ZNF518B: variants seen among roughly 807,000 people sequenced by gnomAD.
ZNF518B encodes the protein zinc finger protein 518B.
In ZNF518B, 23 loss-of-function variants were observed where a neutral mutation model predicts 56.3. The observed-to-expected ratio is 0.41, with a 90% confidence interval of 0.29 to 0.58. The LOEUF (loss-of-function observed/expected upper bound fraction) is 0.58, where lower values mean the gene tolerates loss of function less well. ZNF518B is among the 20% of genes least tolerant of loss of function. The pLI, the probability that ZNF518B is intolerant of heterozygous loss-of-function variation, is 0.32. For missense variants in ZNF518B, 1,460 were observed against 1,272.1 expected, an observed-to-expected ratio of 1.15 and a Z score of -2.25; for synonymous variants, 529 against 465.9, an observed-to-expected ratio of 1.14 and a Z score of -1.74.
chr4:10,443,280 GAACTTT>G lies in ZNF518B; in HGVS notation c.3043_3048del (p.Lys1015_Val1016del). 6.2e-7 allele frequency: 1 copy of G among 1,614,102 alleles called. No individual in the cohort carries two copies. The highest frequency in any genetic ancestry group is 1.3e-5 in the African/African-American group (1 of 75,026). Reference sequence around the variant, plus strand: ...TCCACTACCTGGTAGTTGTTTTTATGAACTTTTTTGAGTTTCATTTTCAACATCATT... The same window carrying G: ...TCCACTACCTGGTAGTTGTTTTTATGTTTGAGTTTCATTTTCAACATCATT... On this transcript the variant is annotated inframe_deletion, in exon 3 of 3. Transcript: ENST00000326756.
rs57437337 is a variant in ZNF518B, at chr4:10,445,536, G to A, written c.793C>T (p.Leu265Phe). Residue 265 changes from leucine to phenylalanine, a missense_variant, in exon 3 of 3, where the codon CTC becomes TTC. Physicochemically the swap from Leu to Phe is conservative, Grantham distance 22. Coordinates refer to ENST00000326756, the MANE Select transcript of ZNF518B (RefSeq NM_053042.3). ...TGCATTTTGTCTTTATTTGCATGGA[G>A]AGAGAAACCTGACAGTTGGTCTGAC... is the stretch of plus-strand genomic sequence containing the variant. Reference protein sequence around the residue: ...KWSDQLSGFSLHANKDKMHNI... With the variant: ...KWSDQLSGFSFHANKDKMHNI... 10 of 1,614,072 alleles carry A rather than the reference G, an allele frequency of 6.2e-6. No individual in the cohort carries two copies. The highest frequency in any genetic ancestry group is 1.7e-5 in the Admixed American group (1 of 60,006).
chr4:10,453,214 G>C lies in ZNF518B; in HGVS notation c.-212+1591C>G, dbSNP rs139036143. 5.3e-5 allele frequency: 8 copies of C among 152,380 alleles called. No individual in the cohort carries two copies. In the East Asian group the frequency reaches 1.5e-3, roughly 29 times the overall value. 9.4% of individuals were successfully genotyped at this position (152,380 alleles called of 1,614,324 possible). A position where few individuals can be genotyped will look rare whatever the true frequency, so the allele number is the denominator to read the frequency against. On this transcript the variant is annotated intron_variant, in intron 2 of 2. Coordinates refer to ENST00000326756, the MANE Select transcript of ZNF518B (RefSeq NM_053042.3). ...GGGAGGTAACTTTATGCTTGGCAAA[G>C]AGTAGATGTTTCGTTAAGAAATCAG...
rs1047023820 is a variant in ZNF518B at position 10,444,672 on chromosome 4, A to G, written c.1657T>C (p.Leu553=). 1 of 1,614,222 alleles carries G rather than the reference A, an allele frequency of 6.2e-7. No individual in the cohort carries two copies. ...ATATTGACTTTACTTGTAGATTCCA[A>G]GTCATTTTCACTTACAGGCAATAAG... ...KGLLPVSEND[L]ESTSKVNIPV... The change falls in exon 3 of 3, where the codon TTG becomes CTG. Residue 553 remains leucine (L), a synonymous_variant. Coordinates refer to ENST00000326756, the MANE Select transcript of ZNF518B (RefSeq NM_053042.3).
In ZNF518B at chr4:10,444,430, G is replaced by T. The variant is rs768965157; in HGVS notation, c.1899C>A (p.Ile633=). ...CAGAGCTCAGAGAAAATACTGATGA[G>T]ATGACTGGGCCATCATTAGTGTTGT... ...RTNNTNDGPV[I]SSVFSLSSGS... The change falls in exon 3 of 3, where the codon ATC becomes ATA. Residue 633 remains isoleucine, a synonymous_variant. Coordinates refer to ENST00000326756, the MANE Select transcript of ZNF518B (RefSeq NM_053042.3). The T allele has an allele frequency of 1.2e-6, 2 of 1,614,200 alleles. No homozygotes were observed. The highest frequency in any genetic ancestry group is 4.5e-5 in the East Asian group (2 of 44,880).
At chr4:10,450,116 CAG>C (rs1179251906) in intron 2 of ZNF518B, among the ~76,000 whole-genome samples, 3 of 152,206 alleles carry the variant, frequency 2.0e-5, no homozygotes, top group Non-Finnish European at 2.9e-5. Flanking sequence ...ATGAGGAAGG[CAG>C]AGTCTTGGAG....
chr4:10,444,309 CAATT>C lies in ZNF518B; in HGVS notation c.2016_2019del (p.Ile673SerfsTer19). On this transcript the variant is annotated frameshift_variant, in exon 3 of 3. Coordinates refer to ENST00000326756, the MANE Select transcript of ZNF518B (RefSeq NM_053042.3). LOFTEE classifies it high-confidence loss of function. ...AAAGATGACGGCTTCCCACAGGACT[CAATT>C]AACTGAGCTATCTTTCTGCGCAACA... is the stretch of plus-strand genomic sequence containing the variant. 1 of 1,614,196 alleles carries C rather than the reference CAATT, an allele frequency of 6.2e-7. No individual in the cohort carries two copies.
At position 10,450,714 on chromosome 4, in the gene ZNF518B, A is replaced by G. The variant is rs913671779; in HGVS notation, c.-212+4091T>C. ...AAAGACACCGGAGACAAAGCTGTGC[A>G]TGGGTATGCTGGCACTGAAAGGGTA... On this transcript the variant is annotated intron_variant, in intron 2 of 2. Transcript: ENST00000326756. 2.0e-5 allele frequency among the ~76,000 whole-genome samples: 3 copies of G among 152,290 alleles called. 1 individual carries two copies.
upstream of ZNF518B, among the ~76,000 whole-genome samples, chr4:10,459,983 G>A (rs1191913075): frequency 6.6e-6 from 1 of 152,066 alleles, no homozygotes; most frequent in Non-Finnish European, 1.5e-5. Context: ...GGGAGCCAAC[G>A]TTCATTCATT....
chr4:10,460,655 A>C (rs1028123686), upstream of ZNF518B, among the ~76,000 whole-genome samples: 3 of 152,202 alleles, frequency 2.0e-5, no homozygotes, highest in Admixed American at 6.5e-5. Context: ...CCCTTCATCA[A>C]ATTCTGCCAG....
chr4:10,459,693 GAGA>G (rs1039765683), upstream of ZNF518B, among the ~76,000 whole-genome samples: 8 of 152,146 alleles, frequency 5.3e-5, no homozygotes, highest in Admixed American at 2.0e-4. Context: ...GACACACAGG[GAGA>G]AGAAGCCATG....
chr4:10,443,553 T>C lies in ZNF518B; in HGVS notation c.2776A>G (p.Ile926Val), dbSNP rs753337437. ...IFQVARQLRL[I>V]AAKPDQLIKC... ...ATCAACTGATCTGGCTTAGCTGCTA[T>C]CAGTCTTAGTTGCCTTGCAACCTGA... The change falls in exon 3 of 3, where the codon ATA (isoleucine) becomes GTA (valine). Residue 926 changes from isoleucine to valine, a missense_variant. Transcript: ENST00000326756. The C allele has an allele frequency of 6.2e-7, 1 of 1,614,194 alleles. No individual in the cohort carries two copies. The highest frequency in any genetic ancestry group is 1.1e-5 in the South Asian group (1 of 91,084).
rs1577220858 is a variant in ZNF518B at position 10,444,502 on chromosome 4, T to C, written c.1827A>G (p.Gln609=). 1 of 1,614,208 alleles carries C rather than the reference T, an allele frequency of 6.2e-7. No homozygotes were observed. Among genetic ancestry groups the C allele is most frequent in the Non-Finnish European group, 8.5e-7 (1 of 1,180,044 alleles). ...HINITGEDRS[Q]QPGDKPLELK... is the part of the protein sequence containing the mutation. The stretch of plus-strand genomic sequence containing the variant: ...ATTCCAAAGGCTTATCCCCAGGCTG[T>C]TGAGATCTATCTTCTCCAGTTATGT... The change falls in exon 3 of 3, where the codon CAA becomes CAG. Residue 609 remains glutamine (Q), a synonymous_variant. Coordinates refer to ENST00000326756, the MANE Select transcript of ZNF518B (RefSeq NM_053042.3).
chr4:10,448,687 A>G (rs1485990176), intron 2 of ZNF518B, among the ~76,000 whole-genome samples: 1 of 151,988 alleles, frequency 6.6e-6, no homozygotes, highest in Non-Finnish European at 1.5e-5. Flanking sequence ...TGTCCCCTCA[A>G]TGTTCAAACA....
In ZNF518B at chr4:10,446,400, T is replaced by A; in HGVS notation, c.-72A>T. The A allele has an allele frequency of 6.9e-7, 1 of 1,439,912 alleles. No individual in the cohort carries two copies. The highest frequency in any genetic ancestry group is 9.6e-7 in the Non-Finnish European group (1 of 1,041,702). 89.2% of individuals were successfully genotyped at this position (1,439,912 alleles called of 1,614,324 possible). A position where few individuals can be genotyped will look rare whatever the true frequency, so the allele number is the denominator to read the frequency against. ...CACATGATAAAATCCTTAGGAGATA[T>A]CCTTCTATACAGTTTGTGATGGGTA... On this transcript the variant is annotated 5_prime_UTR_variant, in exon 3 of 3. Coordinates refer to ENST00000326756, the MANE Select transcript of ZNF518B (RefSeq NM_053042.3).
Position 10,444,762 on chromosome 4 carries a change from T to C in ZNF518B, c.1567A>G (p.Ser523Gly), listed in dbSNP as rs1247416169. Residue 523 changes from serine (S) to glycine (G), a missense_variant, in exon 3 of 3, where the codon AGC becomes GGC. Ser to Gly is a moderately conservative substitution (Grantham distance 56). Transcript: ENST00000326756. Reference sequence around the variant, plus strand: ...GCAAATGGGAGTAACTGCTGTGAGCTACTGTGTAAATTTCTTCCACTTTCA... The same window carrying C: ...GCAAATGGGAGTAACTGCTGTGAGCCACTGTGTAAATTTCTTCCACTTTCA... ...FAESGRNLHS[S>G]SQQLLPFAAS... is the part of the protein sequence containing the mutation. 2 of 1,613,822 alleles carry C rather than the reference T, an allele frequency of 1.2e-6. No homozygotes were observed. The highest frequency in any genetic ancestry group is 8.5e-7 in the Non-Finnish European group (1 of 1,179,808).
chr4:10,446,667 T>C (rs981443644), intron 2 of ZNF518B, 128 bp from the exon 3 acceptor site: 5 of 208,740 alleles, frequency 2.4e-5, no homozygotes, highest in Non-Finnish European at 3.9e-5. Context: ...TTTAGACGCA[T>C]GTTATAACAA....
Position 10,440,063 on chromosome 4 carries a change from T to C in ZNF518B, c.*3041A>G, listed in dbSNP as rs145201410. The C allele has an allele frequency of 2.0e-3, 301 of 152,768 alleles. 3 individuals carry two copies. The highest frequency in any genetic ancestry group is 9.6e-4 in the East Asian group (5 of 5,186). The allele number at this position is 152,768 out of a possible 1,614,324, so 9.5% of individuals were successfully genotyped here. ...TCTGCTCATATAGACATTTACAGAT[T>C]TAAAAATTATTCCAAAGGCCGAGCA... On this transcript the variant is annotated 3_prime_UTR_variant, in exon 3 of 3. Coordinates refer to ENST00000326756, the MANE Select transcript of ZNF518B (RefSeq NM_053042.3).
intron 2 of ZNF518B, among the ~76,000 whole-genome samples, chr4:10,447,666 T>G (rs1715123141): frequency 6.7e-6 from 1 of 149,198 alleles, no homozygotes; most frequent in Admixed American, 6.6e-5. Context: ...TTTTTTTTTT[T>G]GAGACAGTGT....
In ZNF518B at chr4:10,444,488, T is replaced by A. The variant is rs1021016085; in HGVS notation, c.1841A>T (p.Lys614Met). ...GEDRSQQPGD[K>M]PLELKNSERT... ...TTCAGAATTCTTTAATTCCAAAGGC[T>A]TATCCCCAGGCTGTTGAGATCTATC... The change falls in exon 3 of 3, where the codon AAG becomes ATG. Residue 614 changes from lysine to methionine, a missense_variant. Coordinates refer to ENST00000326756, the MANE Select transcript of ZNF518B (RefSeq NM_053042.3). The A allele has an allele frequency of 1.2e-6, 2 of 1,614,216 alleles. No homozygotes were observed. Among genetic ancestry groups the A allele is most frequent in the African/African-American group, 2.7e-5 (2 of 75,064 alleles).
Sources: gnomAD v4.1 joint callset for allele counts (sites outside exome capture counted in the v4.1 genomes callset) on GRCh38, gnomAD v4.1.1 for gene constraint, MANE v1.5 for transcripts, NCBI Gene and HGNC (gene_info 2026-07-23, HGNC 2026-07-21) for gene names.